ERBIN: variants seen among roughly 807,000 people sequenced by gnomAD.
The protein encoded by ERBIN is densin-180-like protein.
ERBIN carries 60 observed loss-of-function variants against 158.4 expected under a neutral mutation model. The observed-to-expected ratio is 0.38, with a 90% CI of 0.31 to 0.47. ERBIN has a LOEUF of 0.47. Ranked by LOEUF, ERBIN falls within the 20% of genes least tolerant of loss-of-function variation. ERBIN has a pLI of 0.99. For synonymous variants in ERBIN, 594 were observed against 557.2 expected (o/e 1.07, Z -0.93); for missense variants, 1,610 against 1,648.0 (o/e 0.98, Z 0.40).
chr5:66,077,833 T>C (rs988424760), intron 25 of ERBIN, among the ~76,000 whole-genome samples: 3 of 151,300 alleles, frequency 2.0e-5, no homozygotes, highest in Admixed American at 6.6e-5. Flanking sequence ...CATACAGTTA[T>C]ACACATTTAT....
intron 4 of ERBIN, among the ~76,000 whole-genome samples, chr5:66,006,526 A>G (rs1753617052): frequency 6.6e-6 from 1 of 152,162 alleles, no homozygotes. Flanking sequence ...TGACAACAAA[A>G]GCCAAAATTG....
intron 1 of ERBIN, among the ~76,000 whole-genome samples, chr5:65,967,363 C>G (rs1748766440): frequency 6.6e-6 from 1 of 152,174 alleles, no homozygotes; most frequent in Non-Finnish European, 1.5e-5. Context: ...ATTTCCAGCC[C>G]TGCAAGCTCT....
intron 4 of ERBIN, among the ~76,000 whole-genome samples, chr5:65,998,735 A>C (rs1752703257): frequency 6.6e-6 from 1 of 151,938 alleles, no homozygotes; most frequent in South Asian, 2.1e-4. Context: ...TGTTTCTACA[A>C]AAAATCATAA....
intron 21 of ERBIN, among the ~76,000 whole-genome samples, chr5:66,068,565 A>G (rs1024990610): frequency 2.6e-5 from 4 of 152,162 alleles, no homozygotes; most frequent in Admixed American, 2.6e-4. Context: ...GTCAACTCCT[A>G]TTTTCTGACA....
chr5:66,064,893 T>A (rs1231381723), intron 21 of ERBIN, among the ~76,000 whole-genome samples: 2 of 152,136 alleles, frequency 1.3e-5, no homozygotes, highest in Non-Finnish European at 2.9e-5. Flanking sequence ...AGAGACAGGG[T>A]CTCACTATGT....
intron 7 of ERBIN, among the ~76,000 whole-genome samples, chr5:66,017,611 C>G (rs1754926804): frequency 6.6e-6 from 1 of 150,970 alleles, no homozygotes; most frequent in Non-Finnish European, 1.5e-5. Flanking sequence ...AAATATTTCT[C>G]CCATTCTGTG....
At chr5:66,009,479 A>G (rs189661264) in intron 4 of ERBIN, among the ~76,000 whole-genome samples, 6 of 152,364 alleles carry the variant, frequency 3.9e-5, no homozygotes, top group Admixed American at 3.9e-4. Context: ...CAATCTAAAT[A>G]AAACCTAGCA....
intron 23 of ERBIN, among the ~76,000 whole-genome samples, chr5:66,075,653 A>T (rs948959442): frequency 2.0e-5 from 3 of 152,192 alleles, no homozygotes; most frequent in African/African-American, 7.2e-5. Context: ...CGAGCTACAC[A>T]TTCTTATATC....
At chr5:66,012,578 G>A (rs994195065) in intron 5 of ERBIN, among the ~76,000 whole-genome samples, 6 of 152,186 alleles carry the variant, frequency 3.9e-5, no homozygotes, top group African/African-American at 1.4e-4. Flanking sequence ...ATGATTGGTT[G>A]CAGTGTATCA....
intron 4 of ERBIN, among the ~76,000 whole-genome samples, chr5:66,001,142 A>G (rs1752977271): frequency 6.6e-6 from 1 of 152,184 alleles, no homozygotes; most frequent in South Asian, 2.1e-4. Flanking sequence ...ATTTAAGCAA[A>G]TGTAATATTT....
chr5:66,059,031 G>T (rs1255362250), intron 21 of ERBIN, among the ~76,000 whole-genome samples: 3 of 152,030 alleles, frequency 2.0e-5, no homozygotes, highest in Admixed American at 2.0e-4. Context: ...CTCTTTTTTG[G>T]TTCCATATGA....
intron 24 of ERBIN, 106 bp downstream of exon 24, chr5:66,076,514 G>A: frequency 4.6e-6 from 4 of 866,052 alleles, no homozygotes; most frequent in Non-Finnish European, 5.5e-6. Context: ...AATCTAGGTA[G>A]ACATCACCTG....
chr5:66,029,327 T>G (rs1756602751), intron 14 of ERBIN, among the ~76,000 whole-genome samples: 3 of 152,234 alleles, frequency 2.0e-5, no homozygotes, highest in Admixed American at 2.0e-4. Context: ...AAATTAATGC[T>G]TATTATTTGA....
At chr5:66,021,295 A>T (rs1755657194) in intron 7 of ERBIN, 27 bp from the exon 8 acceptor site, 2 of 1,460,060 alleles carry the variant, frequency 1.4e-6, no homozygotes, top group Non-Finnish European at 1.9e-6. Context: ...TTTTCTAGTT[A>T]ATTTTTCATT....
chr5:66,054,025 TCTG>T lies in ERBIN; in HGVS notation c.2711_2713del (p.Ala904del), dbSNP rs766409984. The T allele has an allele frequency of 6.2e-7, 1 of 1,614,158 alleles. No homozygotes were observed. On this transcript the variant is annotated inframe_deletion, in exon 21 of 26. Coordinates refer to ENST00000284037, the MANE Select transcript of ERBIN (RefSeq NM_001253697.2). The stretch of plus-strand genomic sequence containing the variant: ...GCCAAGTACAACCGTTAAAATCACA[TCTG>T]CTGTTGATGGAAAAAATATAGTCAG...
At chr5:65,998,784 C>T (rs1487556894) in intron 4 of ERBIN, among the ~76,000 whole-genome samples, 1 of 150,786 alleles carries the variant, frequency 6.6e-6, no homozygotes, top group Non-Finnish European at 1.5e-5. Context: ...GTGGTTCCGA[C>T]TACTTCAGGC....
intron 4 of ERBIN, among the ~76,000 whole-genome samples, chr5:65,995,703 T>G (rs1752357434): frequency 6.6e-6 from 1 of 152,096 alleles, no homozygotes; most frequent in Non-Finnish European, 1.5e-5. Context: ...CATACTGTTT[T>G]CCATAGCAGC....
At chr5:66,028,500 A>G (rs925504563) in intron 14 of ERBIN, among the ~76,000 whole-genome samples, 157 bp downstream of exon 14, 11 of 152,186 alleles carry the variant, frequency 7.2e-5, no homozygotes, top group African/African-American at 2.7e-4. Context: ...TTAGAAGCAG[A>G]TACTTTTTAT....
chr5:66,012,182 T>C, intron 5 of ERBIN, 55 bp downstream of exon 5: 1 of 1,155,264 alleles, frequency 8.7e-7, no homozygotes, highest in Admixed American at 2.2e-5. Flanking sequence ...ATTATGAAAC[T>C]AGTAGATATT....
Sources: gnomAD v4.1 joint callset for allele counts (sites outside exome capture counted in the v4.1 genomes callset) on GRCh38, gnomAD v4.1.1 for gene constraint, MANE v1.5 for transcripts, NCBI Gene and HGNC (gene_info 2026-07-23, HGNC 2026-07-21) for gene names.